LARP1: variants seen among roughly 807,000 people sequenced by gnomAD.
The protein encoded by LARP1 is la-related protein 1.
Under a neutral mutation model 122.7 loss-of-function variants are expected in LARP1, and 36 were observed. The observed-to-expected ratio is 0.29, with a 90% confidence interval of 0.22 to 0.39. LARP1 has a LOEUF of 0.39. Among genes scored for constraint, LARP1 ranks in the 10% least tolerant of loss-of-function variants. The pLI is 1.00. For missense variants in LARP1, 1,040 were observed against 1,403.6 expected (o/e 0.74, Z 4.14); for synonymous variants, 539 against 528.7 (o/e 1.02, Z -0.27).
chr5:154,774,469 C>G (rs1010775606), intron 1 of LARP1, among the ~76,000 whole-genome samples: 1 of 152,216 alleles, frequency 6.6e-6, no homozygotes, highest in African/African-American at 2.4e-5. Context: ...GGATATTGCT[C>G]AAGATGGCAT....
intron 1 of LARP1, chr5:154,756,456 T>C (rs960499): frequency 0.64 from 628,568 of 987,466 alleles, 202,755 homozygotes; most frequent in African/African-American, 0.77. Context: ...ACGGTGTGGT[T>C]CGGGCCTACC....
At chr5:154,798,732 G>T (rs1271680434) in intron 8 of LARP1, among the ~76,000 whole-genome samples, 5 of 152,160 alleles carry the variant, frequency 3.3e-5, no homozygotes, top group African/African-American at 1.2e-4. Context: ...TTGCTCAAGC[G>T]ATCTACCCAC....
rs60748260 is a variant in LARP1, at chr5:154,798,855, TTTTGTTTG to T, written c.1378-715_1378-708del. Among the ~76,000 whole-genome samples, 500 of 151,964 alleles carry T rather than the reference TTTTGTTTG, an allele frequency of 3.3e-3. 3 individuals are homozygous for T. The highest frequency in any genetic ancestry group is 0.011 in the African/African-American group (455 of 41,350). On this transcript the variant is annotated intron_variant, in intron 8 of 18. Coordinates refer to ENST00000518297, the MANE Select transcript of LARP1 (RefSeq NM_033551.3). ...TCAGCACATGTAAAGTTGGTTGTTT[TTTTGTTTG>T]TTTGTTTGTTTGTTTGTTTGAGACG... is the stretch of plus-strand genomic sequence containing the variant.
chr5:154,798,686 G>C (rs1019915028), intron 8 of LARP1, among the ~76,000 whole-genome samples: 6 of 152,252 alleles, frequency 3.9e-5, no homozygotes, highest in Admixed American at 2.6e-4. Flanking sequence ...TAGTGATAGA[G>C]TCTCGCTATT....
intron 1 of LARP1, among the ~76,000 whole-genome samples, chr5:154,723,910 G>A (rs974319879): frequency 1.3e-5 from 2 of 152,200 alleles, no homozygotes; most frequent in African/African-American, 4.8e-5. Flanking sequence ...CTCTACTCTG[G>A]ATTGCCAGGC....
intron 1 of LARP1, among the ~76,000 whole-genome samples, chr5:154,687,208 T>C (rs1156334423): frequency 6.6e-6 from 1 of 152,224 alleles, no homozygotes; most frequent in Non-Finnish European, 1.5e-5. Context: ...TACAATATTG[T>C]AGCTTGCTTC....
chr5:154,750,534 A>C (rs2113508991), upstream of LARP1, among the ~76,000 whole-genome samples: 1 of 152,274 alleles, frequency 6.6e-6, no homozygotes, highest in Non-Finnish European at 1.5e-5. Flanking sequence ...GGCCTCCCAA[A>C]GTGTTGGGAT....
intron 1 of LARP1, among the ~76,000 whole-genome samples, chr5:154,760,054 C>T (rs1163060740): frequency 1.3e-5 from 2 of 152,088 alleles, no homozygotes; most frequent in African/African-American, 4.8e-5. Context: ...ATTCTCCTGC[C>T]TCAGCCTTGA....
chr5:154,813,100 T>TAAC (rs1554091589), intron 18 of LARP1, among the ~76,000 whole-genome samples: 3 of 151,878 alleles, frequency 2.0e-5, no homozygotes, highest in African/African-American at 7.2e-5. Context: ...CAGGACTTAT[T>TAAC]AGGTTAACTG....
At chr5:154,766,183 C>T (rs1456958698) in intron 1 of LARP1, among the ~76,000 whole-genome samples, 1 of 152,200 alleles carries the variant, frequency 6.6e-6, no homozygotes, top group Non-Finnish European at 1.5e-5. Flanking sequence ...GGTAAGCAGT[C>T]CTGCCTTGTA....
At chr5:154,805,330 G>C (rs1758683234) in intron 14 of LARP1, 1 of 210,648 alleles carries the variant, frequency 4.7e-6, no homozygotes, top group Non-Finnish European at 9.6e-6. Context: ...TGAGAAGGAG[G>C]GGTTGGTCTT....
At chr5:154,797,221 G>GGT (rs1757940079) in intron 8 of LARP1, among the ~76,000 whole-genome samples, 1 of 29,748 alleles carries the variant, frequency 3.4e-5, no homozygotes, top group African/African-American at 1.0e-4. Flanking sequence ...TGTTGTTGTT[G>GGT]TTTTTTTTTT....
At chr5:154,783,232 C>T (rs1756600399) in intron 1 of LARP1, among the ~76,000 whole-genome samples, 1 of 152,190 alleles carries the variant, frequency 6.6e-6, no homozygotes, top group African/African-American at 2.4e-5. Context: ...TCTGGGAGAA[C>T]TGAGAGGAAC....
upstream of LARP1, among the ~76,000 whole-genome samples, chr5:154,710,900 A>G (rs1047424066): frequency 6.6e-6 from 1 of 152,130 alleles, no homozygotes; most frequent in African/African-American, 2.4e-5. Context: ...GCTTTATTAC[A>G]TACTGTATAT....
At chr5:154,683,760 T>C in intron 1 of LARP1, among the ~76,000 whole-genome samples, 1 of 152,258 alleles carries the variant, frequency 6.6e-6, no homozygotes, top group East Asian at 1.9e-4. Flanking sequence ...ACTAATCTTT[T>C]CTACCAAACC....
In LARP1 at chr5:154,691,648, T is replaced by A. The variant is rs75169312; in HGVS notation, c.-180+8611T>A. Among the ~76,000 whole-genome samples, 610 of 152,316 alleles carry A rather than the reference T, an allele frequency of 4.0e-3. 3 individuals carry two copies. Among genetic ancestry groups the A allele is most frequent in the African/African-American group, 0.014 (567 of 41,584 alleles). On this transcript the variant is annotated intron_variant, in intron 1 of 18. Transcript: ENST00000687700. Reference sequence around the variant, plus strand: ...GTCTGCACAAGGTCAGGGAGGATCTTGCATTCCTCCCTCCGTCCCTGTTCC... The same window carrying A: ...GTCTGCACAAGGTCAGGGAGGATCTAGCATTCCTCCCTCCGTCCCTGTTCC...
intron 1 of LARP1, among the ~76,000 whole-genome samples, chr5:154,770,635 G>A (rs540177634): frequency 6.6e-6 from 1 of 152,260 alleles, no homozygotes; most frequent in East Asian, 1.9e-4. Context: ...TGTATGTCAT[G>A]GTTTTTTCTT....
At chr5:154,706,399 T>G (rs1396547632) in intron 1 of LARP1, among the ~76,000 whole-genome samples, 1 of 151,890 alleles carries the variant, frequency 6.6e-6, no homozygotes, top group African/African-American at 2.4e-5. Flanking sequence ...AATCATGTCC[T>G]TTGCAGCAAC....
At chr5:154,699,585 G>A (rs991750995) in intron 1 of LARP1, among the ~76,000 whole-genome samples, 8 of 152,240 alleles carry the variant, frequency 5.3e-5, no homozygotes, top group East Asian at 1.9e-4. Flanking sequence ...GAGAGACACC[G>A]ACCTAACTAA....
Sources: allele counts gnomAD v4.1 joint callset (sites outside exome capture counted in the v4.1 genomes callset), GRCh38; gene constraint gnomAD v4.1.1; transcripts MANE v1.5; gene names NCBI Gene and HGNC (gene_info 2026-07-23, HGNC 2026-07-21).